BAZ2B: variants seen among roughly 807,000 people sequenced by gnomAD.
BAZ2B encodes the protein bromodomain adjacent to zinc finger domain protein 2B.
In BAZ2B, 91 loss-of-function variants were observed where a neutral mutation model predicts 246.0. The ratio of observed to expected loss-of-function variants is 0.37; its 90% CI spans 0.31 to 0.44. BAZ2B has a LOEUF of 0.44. Ranked by LOEUF, BAZ2B falls within the 20% of genes least tolerant of loss-of-function variation. The pLI is 1.00. For missense variants in BAZ2B, 2,332 were observed against 2,533.7 expected (o/e 0.92, Z 1.71); for synonymous variants, 855 against 860.0 (o/e 0.99, Z 0.10).
chr2:159,619,893 G>A (rs13020365), upstream of BAZ2B, among the ~76,000 whole-genome samples: 54,896 of 151,934 alleles, frequency 0.36, 10,106 homozygotes, highest in South Asian at 0.46. Context: ...ACAGGACTTC[G>A]TCTTCTACCC....
intron 6 of BAZ2B, among the ~76,000 whole-genome samples, chr2:159,445,773 C>T (rs2074141452): frequency 6.6e-6 from 1 of 152,126 alleles, no homozygotes; most frequent in South Asian, 2.1e-4. Flanking sequence ...AGCAAGCCAC[C>T]CATTGGCAGC....
At chr2:159,334,330 C>T (rs1381271991) in intron 33 of BAZ2B, among the ~76,000 whole-genome samples, 3 of 152,126 alleles carry the variant, frequency 2.0e-5, no homozygotes, top group East Asian at 3.8e-4. Flanking sequence ...AATTCCTCTG[C>T]TACTACAGTA....
At chr2:159,334,669 T>C (rs1396495065) in intron 33 of BAZ2B, among the ~76,000 whole-genome samples, 7 of 152,172 alleles carry the variant, frequency 4.6e-5, no homozygotes, top group Admixed American at 3.3e-4. Flanking sequence ...GATGGAGTTA[T>C]ATGATTAATA....
intron 2 of BAZ2B, among the ~76,000 whole-genome samples, chr2:159,550,643 G>A (rs374905898): frequency 6.6e-6 from 1 of 152,046 alleles, no homozygotes; most frequent in Non-Finnish European, 1.5e-5. Flanking sequence ...GCCATACTTG[G>A]TTATATCTTC....
intron 3 of BAZ2B, among the ~76,000 whole-genome samples, chr2:159,456,270 G>C (rs2075762919): frequency 1.3e-5 from 2 of 151,872 alleles, no homozygotes; most frequent in Non-Finnish European, 2.9e-5. Context: ...GGTAATAATT[G>C]GTAGTAAGTA....
intron 2 of BAZ2B, among the ~76,000 whole-genome samples, chr2:159,529,401 T>C (rs1414904851): frequency 6.6e-6 from 1 of 152,190 alleles, no homozygotes; most frequent in Non-Finnish European, 1.5e-5. Context: ...TCACCAACTC[T>C]AGCCATCCTG....
intron 3 of BAZ2B, among the ~76,000 whole-genome samples, chr2:159,456,963 A>G (rs887877214): frequency 1.3e-5 from 2 of 152,226 alleles, no homozygotes; most frequent in Non-Finnish European, 2.9e-5. Context: ...CCTTTATAGC[A>G]AGAATTTAGA....
chr2:159,454,698 T>C (rs978087376), intron 3 of BAZ2B, among the ~76,000 whole-genome samples: 1 of 152,046 alleles, frequency 6.6e-6, no homozygotes, highest in Admixed American at 6.5e-5. Context: ...AAAGGGAATA[T>C]ATTCTAGTCT....
chr2:159,337,452 A>G (rs2065874740), intron 32 of BAZ2B, 115 bp downstream of exon 32: 1 of 1,596,834 alleles, frequency 6.3e-7, no homozygotes, highest in Non-Finnish European at 8.5e-7. Context: ...AGTTAATCTC[A>G]ATAACCTACC....
chr2:159,659,439 G>A, the BAZ2B span, among the ~76,000 whole-genome samples: 1 of 152,172 alleles, frequency 6.6e-6, no homozygotes, highest in African/African-American at 2.4e-5. Flanking sequence ...AGCAAGGGAT[G>A]TGTGGAGAGC....
intron 4 of BAZ2B, among the ~76,000 whole-genome samples, chr2:159,450,771 G>A (rs915697750): frequency 2.0e-5 from 3 of 147,370 alleles, no homozygotes; most frequent in African/African-American, 7.5e-5. Context: ...ACAGAATTGT[G>A]CTCTGTCGCC....
chr2:159,705,482 AAT>A, the BAZ2B span, among the ~76,000 whole-genome samples: 3 of 152,354 alleles, frequency 2.0e-5, no homozygotes, highest in East Asian at 5.8e-4. Context: ...AAAACCCAGA[AAT>A]ATATTCAGCA....
At chr2:159,401,005 T>A (rs1315324481) in intron 16 of BAZ2B, among the ~76,000 whole-genome samples, 1 of 151,944 alleles carries the variant, frequency 6.6e-6, no homozygotes, top group Non-Finnish European at 1.5e-5. Flanking sequence ...GATGTGCCAC[T>A]GCACTCCAGC....
At position 159,416,298 on chromosome 2, in the gene BAZ2B, T is replaced by A. The variant is rs866106283; in HGVS notation, c.2467-3753A>T. Reference sequence around the variant, plus strand: ...TTGCTGAGATTCCAAATAAAGTCAATAGGAACAATAGTTGTACAAAGTGTA... The same window carrying A: ...TTGCTGAGATTCCAAATAAAGTCAAAAGGAACAATAGTTGTACAAAGTGTA... On this transcript the variant is annotated intron_variant, in intron 13 of 36. Transcript: ENST00000392783. Among the ~76,000 whole-genome samples the A allele has an allele frequency of 1.9e-4, 29 of 152,246 alleles. 1 individual carries two copies. The highest frequency in any genetic ancestry group is 3.4e-3 in the Middle Eastern group (1 of 294).
chr2:159,580,708 C>G (rs1397704099), intron 1 of BAZ2B, among the ~76,000 whole-genome samples: 1 of 152,094 alleles, frequency 6.6e-6, no homozygotes, highest in Non-Finnish European at 1.5e-5. Flanking sequence ...GCTACAGTAA[C>G]CAAAACAGAC....
chr2:159,614,849 G>T (rs931510530), intron 1 of BAZ2B, among the ~76,000 whole-genome samples: 1 of 152,030 alleles, frequency 6.6e-6, no homozygotes, highest in Non-Finnish European at 1.5e-5. Context: ...ATTTACTCTT[G>T]GGAAAATTTC....
chr2:159,355,667 G>T (rs2059028418), intron 27 of BAZ2B, among the ~76,000 whole-genome samples: 2 of 151,952 alleles, frequency 1.3e-5, no homozygotes, highest in Admixed American at 6.6e-5. Flanking sequence ...ATCCCAAATG[G>T]CTTTAAAAAA....
intron 25 of BAZ2B, among the ~76,000 whole-genome samples, chr2:159,378,705 C>A (rs188188943): frequency 1.3e-5 from 2 of 152,240 alleles, no homozygotes; most frequent in East Asian, 3.9e-4. Flanking sequence ...AGATGTCCAA[C>A]ATCACTAATC....
chr2:159,501,206 TA>T (rs1490934746), intron 2 of BAZ2B, among the ~76,000 whole-genome samples: 1 of 106,912 alleles, frequency 9.4e-6, no homozygotes, highest in East Asian at 2.4e-4. Flanking sequence ...TATATATTTT[TA>T]TATATATTAT....
Sources: allele counts gnomAD v4.1 joint callset (sites outside exome capture counted in the v4.1 genomes callset), GRCh38; gene constraint gnomAD v4.1.1; transcripts MANE v1.5; gene names NCBI Gene and HGNC (gene_info 2026-07-23, HGNC 2026-07-21).